The following ARHGEF17 variants were observed in gnomAD, a reference collection of about 807,000 sequenced individuals.
The protein encoded by ARHGEF17 is 164 kDa Rho-specific guanine-nucleotide exchange factor.
Under a neutral mutation model 174.0 loss-of-function variants are expected in ARHGEF17, and 80 were observed. That is an observed-to-expected ratio of 0.46 (90% confidence interval 0.38 to 0.55). The LOEUF is 0.55. Among genes scored for constraint, ARHGEF17 ranks in the 20% least tolerant of loss-of-function variants. The pLI is 0.00. For missense variants in ARHGEF17, 2,886 were observed against 2,839.7 expected (o/e 1.02, Z -0.37); for synonymous variants, 1,311 against 1,189.1 (o/e 1.10, Z -2.11).
rs764909190 is a variant in ARHGEF17, at chr11:73,310,172, G to A, written c.1534G>A (p.Gly512Ser). The stretch of plus-strand genomic sequence containing the variant: ...TGGCAGAGACTCACCATCCGCAGGT[G>A]GCCCTGTGGGGCAACTTGAACCCAT... ...LDGRDSPSAG[G>S]PVGQLEPIPI... is the part of the protein sequence containing the mutation. Residue 512 changes from glycine to serine, a missense_variant, in exon 1 of 21, where the codon GGC (glycine) becomes AGC (serine). Gly to Ser is a moderately conservative substitution (Grantham distance 56, BLOSUM62 0). Around this residue, in one of 4 missense-constraint regions of ARHGEF17, gnomAD observed 1,728 missense variants for 1,461.2 expected, o/e 1.18. Coordinates refer to ENST00000263674, the MANE Select transcript of ARHGEF17 (RefSeq NM_014786.4). The A allele has an allele frequency of 1.4e-5, 22 of 1,613,830 alleles. No homozygotes were observed. The East Asian group carries it at 4.2e-4, about 31-fold the overall frequency.
chr11:73,329,320 TTC>T (rs1292046112), intron 1 of ARHGEF17, among the ~76,000 whole-genome samples: 1 of 72,516 alleles, frequency 1.4e-5, no homozygotes, highest in Admixed American at 2.0e-4. Context: ...TTTGAGAGCT[TTC>T]ATATATATAT....
chr11:73,345,257 T>C (rs749653883), intron 1 of ARHGEF17, among the ~76,000 whole-genome samples: 3 of 152,086 alleles, frequency 2.0e-5, no homozygotes, highest in Non-Finnish European at 4.4e-5. Context: ...GTCTGCTGTT[T>C]CCGGAGGCCC....
chr11:73,339,005 G>A (rs1565197788), intron 1 of ARHGEF17, among the ~76,000 whole-genome samples: 1 of 152,104 alleles, frequency 6.6e-6, no homozygotes, highest in Non-Finnish European at 1.5e-5. Flanking sequence ...TGAGATTATG[G>A]GGTTCCTAGT....
At chr11:73,347,705 G>A (rs1565202102) in intron 2 of ARHGEF17, among the ~76,000 whole-genome samples, 1 of 152,242 alleles carries the variant, frequency 6.6e-6, no homozygotes, top group Non-Finnish European at 1.5e-5. Context: ...GCCAGGGTCC[G>A]TGGATGATCA....
At position 73,363,093 on chromosome 11, in the gene ARHGEF17, G is replaced by T. The variant is rs1336565368; in HGVS notation, c.4997-113G>T. 4 of 1,388,760 alleles carry T rather than the reference G, an allele frequency of 2.9e-6. No homozygotes were observed. The Admixed American group carries it at 8.6e-5, about 30-fold the overall frequency. The allele number at this position is 1,388,760 out of a possible 1,614,324, so 86.0% of individuals were successfully genotyped here. On this transcript the variant is annotated intron_variant, in intron 14 of 20. Transcript: ENST00000263674. ...GACCGGAGCAGGCCGGGGAAGAACA[G>T]CTTTGAGAGGCCTTCCGGAGGGGCA... is the stretch of plus-strand genomic sequence containing the variant.
chr11:73,319,181 A>G (rs1864975253), intron 1 of ARHGEF17, among the ~76,000 whole-genome samples: 1 of 151,242 alleles, frequency 6.6e-6, no homozygotes, highest in Non-Finnish European at 1.5e-5. Context: ...CTCCTGCCTC[A>G]GCCTCCCAAG....
chr11:73,309,873 G>A lies in ARHGEF17; in HGVS notation c.1235G>A (p.Gly412Asp), dbSNP rs1055008312. 1.9e-6 allele frequency: 3 copies of A among 1,613,138 alleles called. No individual in the cohort carries two copies. Among genetic ancestry groups the A allele is most frequent in the Admixed American group, 3.3e-5 (2 of 60,008 alleles). Residue 412 changes from glycine (G) to aspartate (D), a missense_variant, in exon 1 of 21, where the codon GGC becomes GAC. Transcript: ENST00000263674. ...DDLWSSRGSG[G>D]WGVYRSPSFG... ...CTATGGTCTAGTAGGGGTTCTGGGG[G>A]CTGGGGCGTGTACCGCTCCCCTAGC... is the stretch of plus-strand genomic sequence containing the variant.
chr11:73,361,669 C>T (rs1187720450), intron 12 of ARHGEF17, among the ~76,000 whole-genome samples: 6 of 152,036 alleles, frequency 3.9e-5, no homozygotes, highest in African/African-American at 1.4e-4. Flanking sequence ...CAAGACCAGG[C>T]TAGGCAAGAC....
At chr11:73,343,665 CGCTGGGCCT>C (rs758091208) in intron 1 of ARHGEF17, among the ~76,000 whole-genome samples, 12 of 152,134 alleles carry the variant, frequency 7.9e-5, no homozygotes, top group Admixed American at 2.0e-4. Context: ...CTCTCCCTGC[CGCTGGGCCT>C]GCTGGCCCTT....
chr11:73,360,002 G>C, intron 10 of ARHGEF17, 50 bp downstream of exon 10: 1 of 1,481,120 alleles, frequency 6.8e-7, no homozygotes, highest in Admixed American at 2.1e-5. Context: ...GGAGGCTTCT[G>C]ACCCTGTCTG....
chr11:73,339,485 T>C (rs933776038), intron 1 of ARHGEF17, among the ~76,000 whole-genome samples: 1 of 152,222 alleles, frequency 6.6e-6, no homozygotes, highest in Non-Finnish European at 1.5e-5. Flanking sequence ...TGTTTGTTCA[T>C]CCCTGTGTCT....
At position 73,308,689 on chromosome 11, in the gene ARHGEF17, G is replaced by C; in HGVS notation, c.51G>C (p.Lys17Asn). 3.3e-6 allele frequency: 5 copies of C among 1,519,916 alleles called. No homozygotes were observed. The highest frequency in any genetic ancestry group is 4.4e-6 in the Non-Finnish European group (5 of 1,137,066). 94.2% of individuals were successfully genotyped at this position (1,519,916 alleles called of 1,614,324 possible). A position where few individuals can be genotyped will look rare whatever the true frequency, so the allele number is the denominator to read the frequency against. The part of the protein sequence containing the change: ...RPQLYRSVSF[K>N]LLERWSGGPG... The stretch of plus-strand genomic sequence containing the variant: ...AGCTTTACCGCAGCGTCTCGTTCAA[G>C]CTGCTGGAGCGCTGGAGCGGCGGCC... Residue 17 changes from lysine (K) to asparagine (N), a missense_variant, in exon 1 of 21, where the codon AAG becomes AAC. Around this residue, in one of 4 missense-constraint regions of ARHGEF17, gnomAD observed 1,728 missense variants for 1,461.2 expected, o/e 1.18. Transcript: ENST00000263674.
chr11:73,330,442 TG>T (rs1362179663), intron 1 of ARHGEF17, among the ~76,000 whole-genome samples: 1 of 152,260 alleles, frequency 6.6e-6, no homozygotes, highest in African/African-American at 2.4e-5. Flanking sequence ...GAATTTATCC[TG>T]GTGTGTAGTA....
rs1279799741 is a variant in ARHGEF17, at chr11:73,365,360, A to G, written c.5551-30A>G. 3 of 1,612,652 alleles carry G rather than the reference A, an allele frequency of 1.9e-6. No individual in the cohort carries two copies. The highest frequency in any genetic ancestry group is 4.5e-5 in the East Asian group (2 of 44,860). On this transcript the variant is annotated intron_variant, in intron 18 of 20. Coordinates refer to ENST00000263674, the MANE Select transcript of ARHGEF17 (RefSeq NM_014786.4). This position sits in a 1 kb window ranked among gnomAD's most constrained non-coding sequence, Gnocchi z 4.9. The stretch of plus-strand genomic sequence containing the variant: ...TGGGCCAAGGGAGGCAGGCCTGCCA[A>G]TGACCCATCTTCTCCCCCGCCTTCC...
chr11:73,363,927 C>T, intron 16 of ARHGEF17, 94 bp downstream of exon 16: 1 of 1,372,000 alleles, frequency 7.3e-7, no homozygotes, highest in Non-Finnish European at 1.0e-6. Flanking sequence ...TCTACTGTCC[C>T]TCCTCTGTGT....
intron 18 of ARHGEF17, 74 bp downstream of exon 18, chr11:73,364,674 T>C (rs1865807338): frequency 2.0e-6 from 3 of 1,531,034 alleles, no homozygotes; most frequent in South Asian, 1.3e-5. Context: ...ATGGAGACCA[T>C]GGTAGGGGCA....
At chr11:73,334,285 G>A (rs1178071578) in intron 1 of ARHGEF17, among the ~76,000 whole-genome samples, 3 of 152,192 alleles carry the variant, frequency 2.0e-5, no homozygotes, top group African/African-American at 7.2e-5. Context: ...GAAACTTCCA[G>A]GAAGAGGCAG....
At chr11:73,343,395 G>C (rs575163567) in intron 1 of ARHGEF17, 1 of 388,946 alleles carries the variant, frequency 2.6e-6, no homozygotes, top group African/African-American at 2.1e-5. Context: ...GGGACTCTCT[G>C]TGACCGGGGA....
intron 1 of ARHGEF17, among the ~76,000 whole-genome samples, chr11:73,335,822 C>T (rs1268353993): frequency 6.6e-6 from 1 of 152,264 alleles, no homozygotes; most frequent in Non-Finnish European, 1.5e-5. Flanking sequence ...AATCCATCTA[C>T]ACCTTCCCTT....
Sources: allele counts gnomAD v4.1 joint callset (sites outside exome capture counted in the v4.1 genomes callset), GRCh38; gene constraint gnomAD v4.1.1; regional missense constraint gnomAD v4.1.1; non-coding constraint Gnocchi (gnomAD v3.1); transcripts MANE v1.5; gene names NCBI Gene and HGNC (gene_info 2026-07-23, HGNC 2026-07-21).